Variants in DSCAML1 observed in about 807,000 individuals in gnomAD.
DSCAML1 encodes DS cell adhesion molecule like 1.
In DSCAML1, 38 loss-of-function variants were observed where a neutral mutation model predicts 200.5. That is an observed-to-expected ratio of 0.19 (90% CI 0.15 to 0.25). The LOEUF is 0.25. Among genes scored for constraint, DSCAML1 ranks in the 10% least tolerant of loss-of-function variants. The pLI is 1.00. For missense variants in DSCAML1, 2,223 were observed against 2,858.8 expected, an observed-to-expected ratio of 0.78 and a Z score of 5.07; for synonymous variants, 1,215 against 1,165.0, an observed-to-expected ratio of 1.04 and a Z score of -0.87.
At chr11:117,657,196 G>A (rs143534435) in intron 3 of DSCAML1, among the ~76,000 whole-genome samples, 1 of 152,226 alleles carries the variant, frequency 6.6e-6, no homozygotes, top group East Asian at 1.9e-4. Flanking sequence ...TTCCAGATTC[G>A]CAAAGCCCTT....
chr11:117,640,336 C>T (rs1414239243), intron 3 of DSCAML1, among the ~76,000 whole-genome samples: 3 of 152,222 alleles, frequency 2.0e-5, no homozygotes, highest in Non-Finnish European at 4.4e-5. Flanking sequence ...AGAACCCTGA[C>T]ACCCTGACCT....
chr11:117,666,522 A>G (rs1376597751), intron 3 of DSCAML1, among the ~76,000 whole-genome samples: 7 of 151,958 alleles, frequency 4.6e-5, no homozygotes, highest in Non-Finnish European at 4.4e-5. Flanking sequence ...GCCCCTGAGG[A>G]CAAAGCTGCT....
chr11:117,524,718 G>C (rs1044119824), intron 5 of DSCAML1, 87 bp downstream of exon 5: 1 of 1,464,484 alleles, frequency 6.8e-7, no homozygotes, highest in Non-Finnish European at 9.1e-7. Flanking sequence ...GTCAGAGACA[G>C]GTCCAGCTGT....
intron 3 of DSCAML1, among the ~76,000 whole-genome samples, chr11:117,577,526 C>CTTCT (rs1555186467): frequency 9.3e-5 from 5 of 53,634 alleles, no homozygotes; most frequent in African/African-American, 4.4e-4. Context: ...TCCTTCCTTC[C>CTTCT]TTCCTTCCTT....
At chr11:117,682,394 C>T (rs911868086) in intron 3 of DSCAML1, among the ~76,000 whole-genome samples, 7 of 152,196 alleles carry the variant, frequency 4.6e-5, no homozygotes, top group Admixed American at 3.3e-4. Context: ...TCTGCCTGAC[C>T]GTGCCTCTGT....
chr11:117,554,530 C>A (rs1221339385), intron 3 of DSCAML1, among the ~76,000 whole-genome samples: 1 of 152,114 alleles, frequency 6.6e-6, no homozygotes, highest in Non-Finnish European at 1.5e-5. Context: ...GTGGGAACAA[C>A]CACACCTGGC....
intron 1 of DSCAML1, among the ~76,000 whole-genome samples, chr11:117,788,619 G>GCC (rs958914065): frequency 1.2e-4 from 19 of 152,202 alleles, no homozygotes; most frequent in African/African-American, 4.3e-4. Context: ...GAGCCACCAT[G>GCC]CCCAGCCCCA....
intron 19 of DSCAML1, among the ~76,000 whole-genome samples, chr11:117,454,125 T>A (rs2048333339): frequency 6.6e-6 from 1 of 152,214 alleles, no homozygotes; most frequent in South Asian, 2.1e-4. Context: ...ATTCTCTGTC[T>A]CTTCTTCTTT....
intron 3 of DSCAML1, among the ~76,000 whole-genome samples, chr11:117,653,331 G>A (rs899286575): frequency 3.3e-5 from 5 of 152,172 alleles, no homozygotes; most frequent in African/African-American, 7.2e-5. Context: ...ATGATCTCCC[G>A]TGGAGGCCAG....
chr11:117,691,013 C>T (rs1454023094), intron 3 of DSCAML1, among the ~76,000 whole-genome samples: 1 of 152,048 alleles, frequency 6.6e-6, no homozygotes, highest in African/African-American at 2.4e-5. Context: ...TTTGGCCCTT[C>T]GAGATTACAA....
At chr11:117,508,399 A>C (rs1187649974) in intron 8 of DSCAML1, among the ~76,000 whole-genome samples, 2 of 152,076 alleles carry the variant, frequency 1.3e-5, no homozygotes, top group East Asian at 3.9e-4. Context: ...TCACCCAGCA[A>C]ACTGTAGGTG....
rs532560234 is a variant in DSCAML1, at chr11:117,721,744, CATAT to C, written c.511+55043_511+55046del. Among the ~76,000 whole-genome samples the C allele has an allele frequency of 2.3e-3, 325 of 144,438 alleles. 2 individuals carry two copies. The highest frequency in any genetic ancestry group is 7.4e-3 in the Middle Eastern group (2 of 270). 94.8% of individuals were successfully genotyped at this position (144,438 alleles called of 152,430 possible). On this transcript the variant is annotated intron_variant, in intron 3 of 32. Transcript: ENST00000651296. ...TCATATATCATATATAAATATATAT[CATAT>C]ATAAATACATCATATAGAAAATATA...
intron 21 of DSCAML1, among the ~76,000 whole-genome samples, chr11:117,442,182 A>T (rs1022669691): frequency 3.3e-5 from 5 of 150,394 alleles, no homozygotes; most frequent in South Asian, 2.1e-4. Flanking sequence ...TAGTGTGTAT[A>T]GTGTGTATGT....
At chr11:117,541,692 G>C (rs954507173) in intron 3 of DSCAML1, among the ~76,000 whole-genome samples, 1 of 152,206 alleles carries the variant, frequency 6.6e-6, no homozygotes, top group African/African-American at 2.4e-5. Context: ...ACACAGCCCA[G>C]GTTGTCTGGA....
upstream of DSCAML1, among the ~76,000 whole-genome samples, chr11:117,797,843 G>C (rs572873712): frequency 1.9e-5 from 2 of 104,630 alleles, no homozygotes; most frequent in Admixed American, 9.0e-5. Flanking sequence ...TAATGTCTAC[G>C]CTACCTGTGT....
chr11:117,680,190 G>A (rs1292035387), intron 3 of DSCAML1, among the ~76,000 whole-genome samples: 1 of 152,194 alleles, frequency 6.6e-6, no homozygotes, highest in African/African-American at 2.4e-5. Context: ...GCTAGAATGT[G>A]GCAGATTTTT....
rs182472484 is a variant in DSCAML1, at chr11:117,531,446, A to G, written c.658+930T>C. On this transcript the variant is annotated intron_variant, in intron 4 of 32. Coordinates refer to ENST00000651296, the MANE Select transcript of DSCAML1 (RefSeq NM_020693.4). ...GAGGATTCAATAAACACCAGTTTCT[A>G]TCCCTCCCGAGAAGCTATAATCACC... Among the ~76,000 whole-genome samples, 701 of 152,344 alleles carry G rather than the reference A, an allele frequency of 4.6e-3. 1 individual carries two copies. The highest frequency in any genetic ancestry group is 7.3e-3 in the Non-Finnish European group (498 of 68,040).
At chr11:117,749,321 T>C (rs2054566087) in intron 3 of DSCAML1, among the ~76,000 whole-genome samples, 1 of 152,190 alleles carries the variant, frequency 6.6e-6, no homozygotes, top group Admixed American at 6.5e-5. Context: ...CCTCTCCCCA[T>C]TCAGAGAGCG....
At chr11:117,805,006 A>G (rs2055697555) in intron 1 of DSCAML1, among the ~76,000 whole-genome samples, 1 of 152,198 alleles carries the variant, frequency 6.6e-6, no homozygotes, top group African/African-American at 2.4e-5. Flanking sequence ...GTCCAGCGCC[A>G]TCACCCCCTC....
Sources: allele counts gnomAD v4.1 joint callset (sites outside exome capture counted in the v4.1 genomes callset), GRCh38; gene constraint gnomAD v4.1.1; transcripts MANE v1.5; gene names NCBI Gene and HGNC (gene_info 2026-07-23, HGNC 2026-07-21).